The following HMCN1 variants were observed in gnomAD, a reference collection of about 807,000 sequenced individuals.
The protein encoded by HMCN1 is hemicentin 1, also known as hemicentin-1.
A neutral mutation model predicts 625.9 loss-of-function variants in HMCN1; 321 were observed. The ratio of observed to expected loss-of-function variants is 0.51; its 90% CI spans 0.47 to 0.56. The LOEUF (loss-of-function observed/expected upper bound fraction) is 0.56, where lower values mean the gene tolerates loss of function less well. HMCN1 is among the 20% of genes least tolerant of loss of function. The pLI is 0.00. For missense variants in HMCN1, 6,588 were observed against 6,887.3 expected, an observed-to-expected ratio of 0.96 and a Z score of 1.54; for synonymous variants, 2,425 against 2,417.6, an observed-to-expected ratio of 1.00 and a Z score of -0.09.
At chr1:185,905,831 G>A (rs572343365) in intron 4 of HMCN1, among the ~76,000 whole-genome samples, 1 of 151,796 alleles carries the variant, frequency 6.6e-6, no homozygotes, top group African/African-American at 2.4e-5. Context: ...GAGTTTTAAA[G>A]GTACGAGAAC....
rs1335733050 is a variant in HMCN1, at chr1:186,145,768, G to A, written c.14453G>A (p.Gly4818Glu). Residue 4818 changes from glycine (G) to glutamate (E), a missense_variant, in exon 93 of 107, where the codon GGA (glycine) becomes GAA (glutamate). Physicochemically the swap from Gly to Glu is moderately conservative, Grantham distance 98. Around this residue, in one of 3 missense-constraint regions of HMCN1, gnomAD observed 1,954 missense variants for 2,013.1 expected, o/e 0.97. Coordinates refer to ENST00000271588, the MANE Select transcript of HMCN1 (RefSeq NM_031935.3). ...TTGTTCACAGTGGATGGAAGTTGGGGAAGCTGGCATAGTTGGAGCCAGTGC... is the reference window on the plus strand; with the variant it reads ...TTGTTCACAGTGGATGGAAGTTGGGAAAGCTGGCATAGTTGGAGCCAGTGC... Reference protein sequence around the residue: ...TDMCPVDGSWGSWHSWSQCSA... With the variant: ...TDMCPVDGSWESWHSWSQCSA... The A allele has an allele frequency of 1.9e-6, 3 of 1,614,146 alleles. No individual in the cohort carries two copies. The highest frequency in any genetic ancestry group is 2.5e-6 in the Non-Finnish European group (3 of 1,179,994).
In HMCN1 at chr1:186,153,857, C is replaced by A. The variant is rs148569971; in HGVS notation, c.15126C>A (p.Thr5042=). 6.2e-7 allele frequency: 1 copy of A among 1,614,136 alleles called. No individual in the cohort carries two copies. Among genetic ancestry groups the A allele is most frequent in the Non-Finnish European group, 8.5e-7 (1 of 1,180,008 alleles). The change falls in exon 97 of 107, where the codon ACC becomes ACA. Residue 5042 remains threonine, a synonymous_variant. Coordinates refer to ENST00000271588, the MANE Select transcript of HMCN1 (RefSeq NM_031935.3). ...GCATCCCATACACATGGAACCACAC[C>A]GTTTTCTATGATCAGGCACAGGGAA... ...GISIPYTWNH[T]VFYDQAQGRM... is the part of the protein sequence containing the mutation.
At chr1:185,735,777 A>G (rs1441725258) in intron 1 of HMCN1, among the ~76,000 whole-genome samples, 1 of 152,204 alleles carries the variant, frequency 6.6e-6, no homozygotes, top group East Asian at 1.9e-4. Flanking sequence ...ATATGATCCT[A>G]TTTACTTTTT....
chr1:186,108,805 G>T (rs1660744033), intron 71 of HMCN1, among the ~76,000 whole-genome samples: 1 of 152,070 alleles, frequency 6.6e-6, no homozygotes, highest in Non-Finnish European at 1.5e-5. Flanking sequence ...GTTGGTCATG[G>T]GTCAAAGAAA....
chr1:186,054,457 A>G (rs561947073), intron 44 of HMCN1, among the ~76,000 whole-genome samples: 2 of 151,984 alleles, frequency 1.3e-5, no homozygotes, highest in South Asian at 2.1e-4. Flanking sequence ...AAGCTCCAAG[A>G]GGTTTTGTTG....
chr1:185,944,406 G>A (rs181180310), intron 11 of HMCN1, among the ~76,000 whole-genome samples: 10 of 152,286 alleles, frequency 6.6e-5, no homozygotes, highest in Middle Eastern at 3.4e-3. Context: ...ATTCATCCAT[G>A]TAACAGAGAT....
intron 19 of HMCN1, among the ~76,000 whole-genome samples, chr1:185,985,558 A>T (rs1651951691): frequency 6.6e-6 from 1 of 152,228 alleles, no homozygotes; most frequent in Non-Finnish European, 1.5e-5. Context: ...GATATGGTGT[A>T]TTGTGATGCA....
chr1:186,138,960 G>A (rs1649790500), intron 89 of HMCN1, among the ~76,000 whole-genome samples: 1 of 152,160 alleles, frequency 6.6e-6, no homozygotes, highest in African/African-American at 2.4e-5. Flanking sequence ...TGTTCTAGTT[G>A]CTAGAGTTAA....
At position 186,144,554 on chromosome 1, in the gene HMCN1, G is replaced by A; in HGVS notation, c.14117G>A (p.Trp4706Ter). Residue 4706 changes from tryptophan (W) to a stop codon, truncating the protein, a stop_gained, in exon 91 of 107, where the codon TGG becomes TAG. Transcript: ENST00000271588. LOFTEE classifies it high-confidence loss of function. ...NCPIHGKWATWASWSACSVSC... is the reference protein window; with the variant it reads ...NCPIHGKWAT Reference sequence around the variant, plus strand: ...CCAGTTCATGGCAAGTGGGCGACTTGGGCCAGTTGGAGTGCCTGTTCTGTG... The same window carrying A: ...CCAGTTCATGGCAAGTGGGCGACTTAGGCCAGTTGGAGTGCCTGTTCTGTG... 1 of 1,614,024 alleles carries A rather than the reference G, an allele frequency of 6.2e-7. No individual in the cohort carries two copies. The highest frequency in any genetic ancestry group is 8.5e-7 in the Non-Finnish European group (1 of 1,180,000).
chr1:185,770,824 A>T (rs1656190983), intron 1 of HMCN1, among the ~76,000 whole-genome samples: 1 of 152,192 alleles, frequency 6.6e-6, no homozygotes, highest in African/African-American at 2.4e-5. Flanking sequence ...AATAAAATTG[A>T]CATTTAAGTG....
At chr1:185,776,940 T>G (rs913632749) in intron 1 of HMCN1, among the ~76,000 whole-genome samples, 1 of 152,240 alleles carries the variant, frequency 6.6e-6, no homozygotes, top group Non-Finnish European at 1.5e-5. Flanking sequence ...GAATTGCCTT[T>G]GAAAGTATGG....
At chr1:185,805,163 C>T (rs1319549438) in intron 1 of HMCN1, among the ~76,000 whole-genome samples, 2 of 152,100 alleles carry the variant, frequency 1.3e-5, no homozygotes, top group Non-Finnish European at 2.9e-5. Flanking sequence ...ACACTGGGAG[C>T]ATGAGAAAAG....
chr1:185,737,650 G>T (rs1653685591), intron 1 of HMCN1, among the ~76,000 whole-genome samples: 1 of 152,040 alleles, frequency 6.6e-6, no homozygotes, highest in Non-Finnish European at 1.5e-5. Flanking sequence ...TCCTATGGTT[G>T]GGTGACACAA....
At chr1:185,961,300 A>G (rs1158727650) in intron 11 of HMCN1, among the ~76,000 whole-genome samples, 1 of 152,198 alleles carries the variant, frequency 6.6e-6, no homozygotes, top group African/African-American at 2.4e-5. Flanking sequence ...AACTTACAGG[A>G]AAGATATATC....
intron 1 of HMCN1, among the ~76,000 whole-genome samples, chr1:185,803,219 A>AAAGAAAAAAAAAAAAAAC (rs1658931582): frequency 6.8e-6 from 1 of 146,432 alleles, no homozygotes; most frequent in Non-Finnish European, 1.5e-5. Flanking sequence ...AAAAAAAAAA[A>AAAGAAAAAAAAAAAAAAC]AAAACAAAAC....
intron 2 of HMCN1, among the ~76,000 whole-genome samples, chr1:185,850,628 T>A (rs531729450): frequency 6.6e-6 from 1 of 152,166 alleles, no homozygotes; most frequent in East Asian, 1.9e-4. Flanking sequence ...CCCTCTGGAA[T>A]TGAATCTGAT....
At chr1:186,179,244 G>A (rs189651918) in intron 104 of HMCN1, among the ~76,000 whole-genome samples, 47 of 152,236 alleles carry the variant, frequency 3.1e-4, no homozygotes, top group African/African-American at 1.0e-3. Flanking sequence ...CACAGTCCTC[G>A]TGGAATTGCT....
chr1:186,065,556 G>C, intron 49 of HMCN1, 127 bp downstream of exon 49: 1 of 609,814 alleles, frequency 1.6e-6, no homozygotes. Flanking sequence ...ACCAGTGCTT[G>C]TGTACATTTA....
Position 186,065,220 on chromosome 1 carries a change from A to C in HMCN1, c.7514-18A>C. 6.2e-7 allele frequency: 1 copy of C among 1,606,226 alleles called. No homozygotes were observed. Among genetic ancestry groups the C allele is most frequent in the Non-Finnish European group, 8.5e-7 (1 of 1,175,400 alleles). The stretch of plus-strand genomic sequence containing the variant: ...TACATGTAATTATTAGCTGACTCTC[A>C]GAAATGGATTTTTACAGGGAATCCA... On this transcript the variant is annotated intron_variant, in intron 48 of 106. Transcript: ENST00000271588.
Sources: allele counts gnomAD v4.1 joint callset (sites outside exome capture counted in the v4.1 genomes callset), GRCh38; gene constraint gnomAD v4.1.1; regional missense constraint gnomAD v4.1.1; transcripts MANE v1.5; gene names NCBI Gene and HGNC (gene_info 2026-07-23, HGNC 2026-07-21).